Variants in TRAF3 observed in about 807,000 individuals in gnomAD.
The protein encoded by TRAF3 is TNF receptor-associated factor 3.
In TRAF3, 13 loss-of-function variants were observed where a neutral mutation model predicts 62.3. The ratio of observed to expected loss-of-function variants is 0.21; its 90% CI spans 0.14 to 0.33. The LOEUF (loss-of-function observed/expected upper bound fraction) is 0.33, where lower values mean the gene tolerates loss of function less well. Ranked by LOEUF, TRAF3 falls within the 10% of genes least tolerant of loss-of-function variation. The pLI is 1.00. For missense variants in TRAF3, 440 were observed against 741.8 expected, an observed-to-expected ratio of 0.59 and a Z score of 4.73; for synonymous variants, 269 against 283.4, an observed-to-expected ratio of 0.95 and a Z score of 0.51.
At chr14:102,783,800 C>T (rs1485404781) in intron 1 of TRAF3, among the ~76,000 whole-genome samples, 4 of 152,136 alleles carry the variant, frequency 2.6e-5, no homozygotes. Flanking sequence ...TTCCAGTCTG[C>T]CCTCTGTATT....
rs866858492 is a variant in TRAF3 at position 102,825,635 on chromosome 14, C to A, written c.-156-4699C>A. Among the ~76,000 whole-genome samples the A allele has an allele frequency of 1.1e-4, 17 of 152,242 alleles. 1 individual carries two copies. Among genetic ancestry groups the A allele is most frequent in the Non-Finnish European group, 2.5e-4 (17 of 68,036 alleles). On this transcript the variant is annotated intron_variant, in intron 1 of 11. Coordinates refer to ENST00000392745, the MANE Select transcript of TRAF3 (RefSeq NM_145725.3). ...TTGGGCTTCTGGCCGTGTGGGTCAG[C>A]GTCACAGGACGGACAGATCAATGGG...
chr14:102,807,711 G>A (rs1441923496), intron 1 of TRAF3, among the ~76,000 whole-genome samples: 2 of 152,168 alleles, frequency 1.3e-5, no homozygotes, highest in Non-Finnish European at 2.9e-5. Context: ...AAAGAACTAA[G>A]CCATTAGTGG....
At chr14:102,846,221 TG>T in intron 2 of TRAF3, among the ~76,000 whole-genome samples, 1 of 152,102 alleles carries the variant, frequency 6.6e-6, no homozygotes, top group African/African-American at 2.4e-5. Flanking sequence ...TTGAGATAGC[TG>T]TACCAGAAAA....
intron 1 of TRAF3, chr14:102,809,138 C>T (rs1898959892): frequency 1.3e-5 from 2 of 152,276 alleles, no homozygotes; most frequent in African/African-American, 2.4e-5. Flanking sequence ...AGGTGCGTGC[C>T]ACTACACGCG....
rs575410205 is a variant in TRAF3, at chr14:102,876,666, C to G, written c.570+141C>G. 241 of 1,165,552 alleles carry G rather than the reference C, an allele frequency of 2.1e-4. 4 individuals are homozygous for G. In the South Asian group the frequency reaches 3.0e-3, roughly 14 times the overall value. 72.2% of individuals were successfully genotyped at this position (1,165,552 alleles called of 1,614,324 possible). A position where few individuals can be genotyped will look rare whatever the true frequency, so the allele number is the denominator to read the frequency against. ...TAATCCGTTCCACAGGCCTTCCACT[C>G]AGTTCATAGATATTCCGTTCCACAG... On this transcript the variant is annotated intron_variant, in intron 6 of 11. Coordinates refer to ENST00000392745, the MANE Select transcript of TRAF3 (RefSeq NM_145725.3).
chr14:102,835,245 A>G (rs1885926454), intron 2 of TRAF3, among the ~76,000 whole-genome samples: 1 of 152,204 alleles, frequency 6.6e-6, no homozygotes. Flanking sequence ...TAAAAAGTCA[A>G]AAATAAGATG....
At chr14:102,870,939 T>C (rs945789354) in intron 3 of TRAF3, among the ~76,000 whole-genome samples, 1 of 152,196 alleles carries the variant, frequency 6.6e-6, no homozygotes, top group Non-Finnish European at 1.5e-5. Flanking sequence ...TGGCAGCCCT[T>C]TGCTGCTGAG....
intron 2 of TRAF3, among the ~76,000 whole-genome samples, chr14:102,867,159 C>T (rs1010362460): frequency 2.2e-4 from 33 of 152,168 alleles, no homozygotes; most frequent in African/African-American, 8.0e-4. Context: ...ACTGGCCTTT[C>T]GTACAACCTA....
At chr14:102,854,227 G>A (rs1184102610) in intron 2 of TRAF3, among the ~76,000 whole-genome samples, 1 of 151,302 alleles carries the variant, frequency 6.6e-6, no homozygotes, top group African/African-American at 2.4e-5. Flanking sequence ...TTTCGCTATT[G>A]TGAATAGTGC....
At chr14:102,819,172 T>C (rs1392160773) in intron 1 of TRAF3, among the ~76,000 whole-genome samples, 1 of 151,688 alleles carries the variant, frequency 6.6e-6, no homozygotes, top group Non-Finnish European at 1.5e-5. Flanking sequence ...GCCACTATGC[T>C]CTGATTCCTA....
At chr14:102,789,106 A>G (rs1029895519) in intron 1 of TRAF3, among the ~76,000 whole-genome samples, 5 of 152,170 alleles carry the variant, frequency 3.3e-5, no homozygotes, top group East Asian at 3.8e-4. Context: ...TATAGCATCT[A>G]GGAATCATAT....
At chr14:102,825,180 C>T (rs1204430788) in intron 1 of TRAF3, among the ~76,000 whole-genome samples, 1 of 152,232 alleles carries the variant, frequency 6.6e-6, no homozygotes, top group Non-Finnish European at 1.5e-5. Context: ...CATGCCAAGT[C>T]CAAAGCGTCA....
rs894681317 is a variant in TRAF3 at position 102,812,647 on chromosome 14, T to C, written c.-156-17687T>C. On this transcript the variant is annotated intron_variant, in intron 1 of 11. Coordinates refer to ENST00000392745, the MANE Select transcript of TRAF3 (RefSeq NM_145725.3). ...GAGTTGCCTTTTCTCAGGCCGGGCG[T>C]GGTGGCTCACGCCTGTAATCCCAGC... 2.0e-4 allele frequency among the ~76,000 whole-genome samples: 31 copies of C among 152,108 alleles called. No individual in the cohort carries two copies. In the South Asian group the frequency reaches 2.1e-3, roughly 10 times the overall value.
chr14:102,886,330 C>T (rs1273874367), intron 7 of TRAF3, 61 bp downstream of exon 7: 14 of 1,432,022 alleles, frequency 9.8e-6, no homozygotes, highest in Non-Finnish European at 1.9e-6. Flanking sequence ...TGCCTGGCTC[C>T]CCTTCCCTGC....
chr14:102,832,709 A>G (rs372085587), intron 2 of TRAF3, among the ~76,000 whole-genome samples: 21 of 152,172 alleles, frequency 1.4e-4, no homozygotes, highest in African/African-American at 4.8e-4. Context: ...AGCACTACCT[A>G]CACACACACC....
intron 2 of TRAF3, among the ~76,000 whole-genome samples, chr14:102,860,654 A>G (rs1486024730): frequency 6.6e-6 from 1 of 152,244 alleles, no homozygotes; most frequent in Non-Finnish European, 1.5e-5. Context: ...AACAAATGGC[A>G]CAGGTCACCC....
In TRAF3 at chr14:102,910,608, G is replaced by T. The variant is rs879363383; in HGVS notation, c.*4824G>T. 1.3e-5 allele frequency: 2 copies of T among 152,326 alleles called. No homozygotes were observed. The highest frequency in any genetic ancestry group is 2.4e-5 in the African/African-American group (1 of 41,452). The allele number at this position is 152,326 out of a possible 1,614,324, so 9.4% of individuals were successfully genotyped here. On this transcript the variant is annotated 3_prime_UTR_variant, in exon 12 of 12. Coordinates refer to ENST00000392745, the MANE Select transcript of TRAF3 (RefSeq NM_145725.3). ...GCGGGGCCAGCAGCTCACTGCAAGGGCATTTTCCACCTGATCCTGGTGTGC... is the reference window on the plus strand; with the variant it reads ...GCGGGGCCAGCAGCTCACTGCAAGGTCATTTTCCACCTGATCCTGGTGTGC...
intron 1 of TRAF3, among the ~76,000 whole-genome samples, chr14:102,821,557 C>A (rs1456547308): frequency 6.6e-6 from 1 of 151,998 alleles, no homozygotes; most frequent in South Asian, 2.1e-4. Flanking sequence ...TTATAATTAT[C>A]CTTTTCTGGG....
intron 2 of TRAF3, among the ~76,000 whole-genome samples, chr14:102,846,782 C>G (rs1324306542): frequency 6.6e-6 from 1 of 152,050 alleles, no homozygotes; most frequent in Non-Finnish European, 1.5e-5. Context: ...CACCACTGCA[C>G]TCCAGCCTGG....
Sources: gnomAD v4.1 joint callset for allele counts (sites outside exome capture counted in the v4.1 genomes callset) on GRCh38, gnomAD v4.1.1 for gene constraint, MANE v1.5 for transcripts, NCBI Gene and HGNC (gene_info 2026-07-23, HGNC 2026-07-21) for gene names.